The following IGSF10 variants were observed in gnomAD, a reference collection of about 807,000 sequenced individuals.
IGSF10 encodes calvaria mechanical force protein 608.
Under a neutral mutation model 128.2 loss-of-function variants are expected in IGSF10, and 126 were observed. The ratio of observed to expected loss-of-function variants is 0.98; its 90% CI spans 0.85 to 1.14. IGSF10 has a LOEUF of 1.14. Among genes scored for constraint, IGSF10 ranks in the 50% most tolerant of loss-of-function variants. The pLI is 0.00. For missense variants in IGSF10, 3,295 were observed against 3,149.8 expected, an observed-to-expected ratio of 1.05 and a Z score of -1.10; for synonymous variants, 1,185 against 1,146.2, an observed-to-expected ratio of 1.03 and a Z score of -0.68.
At chr3:151,538,467 C>T in the IGSF10 span, among the ~76,000 whole-genome samples, 1 of 152,076 alleles carries the variant, frequency 6.6e-6, no homozygotes. Context: ...CCTCACTTCA[C>T]AGCCAAGTAA....
the IGSF10 span, among the ~76,000 whole-genome samples, chr3:151,493,814 T>C: frequency 6.6e-6 from 1 of 150,872 alleles, no homozygotes; most frequent in South Asian, 2.1e-4. Flanking sequence ...AAATAAAAGG[T>C]ACCAATTTTT....
In IGSF10 at chr3:151,437,121, A is replaced by G. The variant is rs375814109; in HGVS notation, c.7440T>C (p.Asn2480=). Residue 2480 remains asparagine, a synonymous_variant, in exon 8 of 8, where the codon AAT becomes AAC. Transcript: ENST00000282466. ...CATTGTCATGCAATATGTATTTCCC[A>G]TTAATTTGAGGCCTGTCTACTACAT... is the stretch of plus-strand genomic sequence containing the variant. ...SGYVVDRPQI[N]GKYILHDNGT... 7.2e-5 allele frequency: 116 copies of G among 1,614,004 alleles called. 1 individual carries two copies. Among genetic ancestry groups the G allele is most frequent in the Non-Finnish European group, 8.7e-5 (103 of 1,180,020 alleles).
the IGSF10 span, among the ~76,000 whole-genome samples, chr3:151,525,568 A>AC: frequency 1.3e-5 from 2 of 152,106 alleles, no homozygotes; most frequent in African/African-American, 4.8e-5. Flanking sequence ...CTGCATTCTT[A>AC]CCTGAGGGTT....
the IGSF10 span, among the ~76,000 whole-genome samples, chr3:151,606,620 T>C: frequency 1.3e-5 from 2 of 152,186 alleles, no homozygotes; most frequent in Non-Finnish European, 2.9e-5. Context: ...TTCATTAGTT[T>C]CAGAAACTGA....
chr3:151,510,748 C>T, the IGSF10 span, among the ~76,000 whole-genome samples: 25 of 152,056 alleles, frequency 1.6e-4, no homozygotes, highest in Non-Finnish European at 3.4e-4. Context: ...ACTAGAATAA[C>T]CAATGCAGAG....
the IGSF10 span, among the ~76,000 whole-genome samples, chr3:151,524,492 C>T: frequency 3.9e-5 from 6 of 152,160 alleles, no homozygotes; most frequent in Non-Finnish European, 8.8e-5. Flanking sequence ...ATGGATGAAG[C>T]TGGAGGCTAT....
the IGSF10 span, among the ~76,000 whole-genome samples, chr3:151,492,502 T>G: frequency 6.6e-6 from 1 of 152,114 alleles, no homozygotes; most frequent in Non-Finnish European, 1.5e-5. Context: ...TGGGGGACTG[T>G]GGTGGGAGGA....
chr3:151,436,611 A>C lies in IGSF10; in HGVS notation c.*78T>G. 1 of 958,068 alleles carries C rather than the reference A, an allele frequency of 1.0e-6. No homozygotes were observed. The highest frequency in any genetic ancestry group is 1.6e-6 in the Non-Finnish European group (1 of 629,996). 59.3% of individuals were successfully genotyped at this position (958,068 alleles called of 1,614,324 possible). On this transcript the variant is annotated 3_prime_UTR_variant, in exon 8 of 8. Transcript: ENST00000282466. Reference sequence around the variant, plus strand: ...TGTAAATGTATTCAAATTCATTTACATGCCTATGGCTGCCTTTGATTAAAC... The same window carrying C: ...TGTAAATGTATTCAAATTCATTTACCTGCCTATGGCTGCCTTTGATTAAAC...
chr3:151,557,045 AAG>A, the IGSF10 span, among the ~76,000 whole-genome samples: 1 of 152,186 alleles, frequency 6.6e-6, no homozygotes, highest in Non-Finnish European at 1.5e-5. Flanking sequence ...AAGGAGGATG[AAG>A]AGAGTTTTAG....
the IGSF10 span, among the ~76,000 whole-genome samples, chr3:151,536,941 T>C: frequency 6.6e-6 from 1 of 152,208 alleles, no homozygotes; most frequent in Non-Finnish European, 1.5e-5. Flanking sequence ...TTGAAAGAAC[T>C]ATTATTCTAG....
chr3:151,496,628 A>T, the IGSF10 span, among the ~76,000 whole-genome samples: 4 of 139,308 alleles, frequency 2.9e-5, no homozygotes, highest in Non-Finnish European at 6.2e-5. Flanking sequence ...GAATAGTGCC[A>T]CAATAAACAT....
the IGSF10 span, among the ~76,000 whole-genome samples, chr3:151,480,900 T>A: frequency 1.3e-5 from 2 of 152,036 alleles, no homozygotes; most frequent in Non-Finnish European, 2.9e-5. Flanking sequence ...AACCTGCATC[T>A]CCAGCACACT....
the IGSF10 span, among the ~76,000 whole-genome samples, chr3:151,576,577 G>A: frequency 6.6e-6 from 1 of 152,194 alleles, no homozygotes; most frequent in South Asian, 2.1e-4. Flanking sequence ...GAAGATCACA[G>A]TCACAAAGAC....
chr3:151,506,192 T>A, the IGSF10 span, among the ~76,000 whole-genome samples: 124,504 of 152,124 alleles, frequency 0.82, 51,037 homozygotes, highest in Middle Eastern at 0.93. Context: ...TGACCTCATG[T>A]GCCACCCACC....
chr3:151,528,150 A>G, the IGSF10 span, among the ~76,000 whole-genome samples: 1 of 152,170 alleles, frequency 6.6e-6, no homozygotes, highest in East Asian at 1.9e-4. Context: ...GACCTGGCAT[A>G]AGAAAGCTCT....
the IGSF10 span, among the ~76,000 whole-genome samples, chr3:151,580,072 A>G: frequency 4.6e-5 from 7 of 152,224 alleles, no homozygotes; most frequent in East Asian, 1.4e-3. Context: ...ACCAAGCACC[A>G]CGGCTCACAC....
At chr3:151,529,207 C>A in the IGSF10 span, among the ~76,000 whole-genome samples, 2 of 152,186 alleles carry the variant, frequency 1.3e-5, no homozygotes, top group African/African-American at 4.8e-5. Flanking sequence ...CACCCCCATT[C>A]AGGGACTTGT....
chr3:151,440,908 C>T (rs1720815867), intron 7 of IGSF10: 2 of 191,410 alleles, frequency 1.0e-5, no homozygotes, highest in African/African-American at 4.6e-5. Context: ...TATTCCCCGG[C>T]TTTGGTTTCC....
At chr3:151,461,562 A>G (rs1476553730), upstream of IGSF10, 2 of 365,172 alleles carry the variant, frequency 5.5e-6, no homozygotes, top group Non-Finnish European at 3.4e-6. Context: ...CAACATATCC[A>G]TCATCTCACA....
Sources: gnomAD v4.1 joint callset for allele counts (sites outside exome capture counted in the v4.1 genomes callset) on GRCh38, gnomAD v4.1.1 for gene constraint, MANE v1.5 for transcripts, NCBI Gene and HGNC (gene_info 2026-07-23, HGNC 2026-07-21) for gene names.